The following PSMG2 variants were observed in gnomAD, a reference collection of about 807,000 sequenced individuals.
PSMG2 encodes the protein CD40 ligand-activated specific transcript 3.
In PSMG2, 21 loss-of-function variants were observed where a neutral mutation model predicts 31.5. That is an observed-to-expected ratio of 0.67 (90% CI 0.47 to 0.96). The LOEUF (loss-of-function observed/expected upper bound fraction) is 0.96, where lower values mean the gene tolerates loss of function less well. Among genes scored for constraint, PSMG2 ranks in the 40% least tolerant of loss-of-function variants. PSMG2 has a pLI of 0.00. For missense variants in PSMG2, 318 were observed against 321.2 expected, an observed-to-expected ratio of 0.99 and a Z score of 0.08; for synonymous variants, 120 against 110.4, an observed-to-expected ratio of 1.09 and a Z score of -0.54.
At position 12,690,524 on chromosome 18, in the gene PSMG2, C is replaced by T. The variant is rs546251393; in HGVS notation, c.-36-16026C>T. ...AGGCCGGACTGCAGTGGTGCGATCT[C>T]GGCTCACTGCAAGCTCCGCCTCCCG... On this transcript the variant is annotated intron_variant, in intron 1 of 6. Transcript: ENST00000585331. Among the ~76,000 whole-genome samples the T allele has an allele frequency of 8.8e-4, 133 of 151,616 alleles. 1 individual carries two copies. Among genetic ancestry groups the T allele is most frequent in the African/African-American group, 3.1e-3 (127 of 41,352 alleles).
intron 1 of PSMG2, among the ~76,000 whole-genome samples, chr18:12,672,469 A>T (rs2038973098): frequency 6.6e-6 from 1 of 152,142 alleles, no homozygotes; most frequent in Non-Finnish European, 1.5e-5. Context: ...GTATGGAATC[A>T]CTCACATATG....
intron 1 of PSMG2, among the ~76,000 whole-genome samples, chr18:12,696,045 G>C (rs1028221671): frequency 5.9e-5 from 9 of 152,114 alleles, no homozygotes; most frequent in African/African-American, 2.2e-4. Context: ...TGTTTCTTCA[G>C]TGAATCAGAA....
At chr18:12,701,413 T>A (rs936074217), upstream of PSMG2, among the ~76,000 whole-genome samples, 114 of 152,306 alleles carry the variant, frequency 7.5e-4, no homozygotes, top group Non-Finnish European at 1.9e-4. Context: ...GATCAAAGTA[T>A]GATCTTATTA....
upstream of PSMG2, chr18:12,699,238 C>T: frequency 7.3e-7 from 1 of 1,363,876 alleles, no homozygotes; most frequent in Non-Finnish European, 1.0e-6. Flanking sequence ...AGGAAACTGC[C>T]AAATAACTTA....
At chr18:12,683,204 A>AAAAAAAAAAAAAAAAAAAAAAAC (rs2039413427) in intron 1 of PSMG2, among the ~76,000 whole-genome samples, 1 of 148,110 alleles carries the variant, frequency 6.8e-6, no homozygotes, top group Non-Finnish European at 1.5e-5. Context: ...AAAAAAAAAA[A>AAAAAAAAAAAAAAAAAAAAAAAC]GCCAGGCATG....
At chr18:12,694,836 G>A (rs927524221) in intron 1 of PSMG2, among the ~76,000 whole-genome samples, 1 of 151,424 alleles carries the variant, frequency 6.6e-6, no homozygotes, top group Admixed American at 6.6e-5. Context: ...TCAGCCTCCC[G>A]GGTAGCTGGT....
chr18:12,689,745 T>C (rs531550088), intron 1 of PSMG2, among the ~76,000 whole-genome samples: 3 of 152,152 alleles, frequency 2.0e-5, no homozygotes, highest in African/African-American at 4.8e-5. Context: ...TCAGACTATA[T>C]AGACAGCAGG....
Position 12,725,697 on chromosome 18 carries a change from A to G in PSMG2, c.*166A>G. ...CTTTGCCATGCTTTTCATCATATGC[A>G]CCAAATGTAAATTTTGTACAATAAA... On this transcript the variant is annotated 3_prime_UTR_variant, in exon 7 of 7. Coordinates refer to ENST00000317615, the MANE Select transcript of PSMG2 (RefSeq NM_020232.5). 2.2e-6 allele frequency: 1 copy of G among 452,306 alleles called. No individual in the cohort carries two copies. The highest frequency in any genetic ancestry group is 3.9e-6 in the Non-Finnish European group (1 of 259,078). 28.0% of individuals were successfully genotyped at this position (452,306 alleles called of 1,614,324 possible).
chr18:12,658,911 A>T (rs1465739885), intron 1 of PSMG2: 3 of 265,410 alleles, frequency 1.1e-5, no homozygotes, highest in Non-Finnish European at 1.5e-5. Context: ...CATTTGTAAC[A>T]TTGGTCCCTT....
chr18:12,691,447 A>G (rs1410860197), intron 1 of PSMG2: 30 of 1,608,292 alleles, frequency 1.9e-5, no homozygotes, highest in Non-Finnish European at 2.3e-5. Context: ...TACAAGAAAT[A>G]ATCGCTCTTT....
At chr18:12,692,478 T>C (rs910177403) in intron 1 of PSMG2, among the ~76,000 whole-genome samples, 7 of 152,140 alleles carry the variant, frequency 4.6e-5, no homozygotes, top group African/African-American at 1.7e-4. Flanking sequence ...CGGTCCTCCA[T>C]AGGGGCTTTT....
At chr18:12,702,607 C>T (rs1376730782), upstream of PSMG2, 5 of 1,555,434 alleles carry the variant, frequency 3.2e-6, no homozygotes, top group Non-Finnish European at 4.3e-6. Context: ...AACTGCGCGG[C>T]CCCGGCCGGG....
upstream of PSMG2, among the ~76,000 whole-genome samples, chr18:12,702,009 C>T (rs1366214321): frequency 6.6e-6 from 1 of 152,154 alleles, no homozygotes; most frequent in Non-Finnish European, 1.5e-5. Context: ...CGCCTGTAAT[C>T]CCAGCTACTC....
chr18:12,718,830 G>GAAAGCTCACAGGAGCTGAAAAGA (rs2040402790), intron 4 of PSMG2, among the ~76,000 whole-genome samples, 195 bp downstream of exon 4: 1 of 152,188 alleles, frequency 6.6e-6, no homozygotes, highest in Non-Finnish European at 1.5e-5. Flanking sequence ...TGTGAGCTTA[G>GAAAGCTCACAGGAGCTGAAAAGA]TAGAGTTGGG....
chr18:12,670,542 C>G (rs2038916976), intron 1 of PSMG2: 1 of 152,120 alleles, frequency 6.6e-6, no homozygotes, highest in Non-Finnish European at 1.5e-5. Flanking sequence ...CAGCCTTGAT[C>G]TTAATATAGT....
intron 1 of PSMG2, among the ~76,000 whole-genome samples, chr18:12,661,105 C>G (rs575291581): frequency 6.6e-6 from 1 of 151,976 alleles, no homozygotes; most frequent in Non-Finnish European, 1.5e-5. Context: ...GTCAGGAGTT[C>G]GAGACCAGCC....
chr18:12,662,973 A>G (rs2038728211), intron 1 of PSMG2, among the ~76,000 whole-genome samples: 1 of 152,152 alleles, frequency 6.6e-6, no homozygotes, highest in Admixed American at 6.6e-5. Context: ...TTCTGATCTG[A>G]ATATAAGTGT....
intron 1 of PSMG2, among the ~76,000 whole-genome samples, chr18:12,668,929 C>T (rs1256634985): frequency 2.7e-5 from 4 of 148,290 alleles, no homozygotes; most frequent in Admixed American, 6.8e-5. Flanking sequence ...TTAGTAGAGA[C>T]GGGGTTTCAT....
intron 4 of PSMG2, 47 bp downstream of exon 4, chr18:12,718,682 T>C (rs1373385645): frequency 3.8e-6 from 5 of 1,327,746 alleles, no homozygotes; most frequent in African/African-American, 1.5e-5. Flanking sequence ...GTTTATACTA[T>C]GATAATTTCT....
Sources: allele counts gnomAD v4.1 joint callset (sites outside exome capture counted in the v4.1 genomes callset), GRCh38; gene constraint gnomAD v4.1.1; transcripts MANE v1.5; gene names NCBI Gene and HGNC (gene_info 2026-07-23, HGNC 2026-07-21).